DLGAP2: variants seen among roughly 807,000 people sequenced by gnomAD.
The protein encoded by DLGAP2 is disks large-associated protein 2.
In DLGAP2, 26 loss-of-function variants were observed where a neutral mutation model predicts 100.3. The observed-to-expected ratio is 0.26, with a 90% CI of 0.19 to 0.36. The LOEUF is 0.36. DLGAP2 is among the 10% of genes least tolerant of loss of function. DLGAP2 has a pLI of 1.00. For synonymous variants in DLGAP2, 886 were observed against 630.1 expected (o/e 1.41, Z -6.08); for missense variants, 1,858 against 1,453.2 (o/e 1.28, Z -4.53).
intron 3 of DLGAP2, among the ~76,000 whole-genome samples, chr8:1,308,509 A>T (rs747704384): frequency 1.4e-4 from 21 of 152,332 alleles, no homozygotes; most frequent in Non-Finnish European, 2.5e-4. Context: ...ATTCAGGACA[A>T]CAAAAGAAAT....
intron 3 of DLGAP2, among the ~76,000 whole-genome samples, chr8:1,362,082 C>T (rs560122492): frequency 1.9e-4 from 26 of 138,712 alleles, no homozygotes; most frequent in Non-Finnish European, 2.9e-4. Context: ...TCAAGGAGAG[C>T]GGTACAGCTG....
intron 12 of DLGAP2, chr8:1,678,978 C>A: frequency 4.4e-6 from 1 of 225,960 alleles, no homozygotes; most frequent in Non-Finnish European, 8.5e-6. Context: ...ATGTTATTTT[C>A]TAGAATTGTT....
At chr8:1,142,118 TC>T (rs1796531967) in intron 2 of DLGAP2, among the ~76,000 whole-genome samples, 1 of 152,128 alleles carries the variant, frequency 6.6e-6, no homozygotes, top group Admixed American at 6.6e-5. Flanking sequence ...CAATCGTTTT[TC>T]CTAAGAAATC....
chr8:1,113,944 A>G (rs894652408), intron 2 of DLGAP2, among the ~76,000 whole-genome samples: 15 of 152,170 alleles, frequency 9.9e-5, no homozygotes, highest in Non-Finnish European at 1.5e-4. Context: ...TTCTGCATCT[A>G]TTGAGACAAT....
chr8:1,318,517 C>A (rs890460904), intron 3 of DLGAP2, among the ~76,000 whole-genome samples: 2 of 150,850 alleles, frequency 1.3e-5, no homozygotes, highest in African/African-American at 4.9e-5. Context: ...CTGTTCCTGA[C>A]TTTGAAGTTT....
At chr8:1,339,652 C>T (rs775383359) in intron 3 of DLGAP2, among the ~76,000 whole-genome samples, 23 of 152,216 alleles carry the variant, frequency 1.5e-4, no homozygotes, top group Non-Finnish European at 3.1e-4. Context: ...TAATCCTGTG[C>T]ATTCTTTTGG....
intron 2 of DLGAP2, among the ~76,000 whole-genome samples, chr8:1,057,681 A>C (rs908254167): frequency 6.6e-6 from 1 of 152,204 alleles, no homozygotes; most frequent in Non-Finnish European, 1.5e-5. Flanking sequence ...ATTTTCTCTG[A>C]ATTAGATTTG....
chr8:786,406 G>A (rs531546195), intron 1 of DLGAP2, among the ~76,000 whole-genome samples: 1 of 152,270 alleles, frequency 6.6e-6, no homozygotes, highest in African/African-American at 2.4e-5. Flanking sequence ...CATTTTCGTC[G>A]ATTCTCAAAA....
chr8:1,094,716 G>A (rs922987158), intron 2 of DLGAP2, among the ~76,000 whole-genome samples: 3 of 152,188 alleles, frequency 2.0e-5, no homozygotes, highest in Admixed American at 1.3e-4. Context: ...AGAGTGGCTG[G>A]ACAAGCTCCG....
chr8:870,124 C>G (rs1353155213), intron 1 of DLGAP2, among the ~76,000 whole-genome samples: 1 of 152,038 alleles, frequency 6.6e-6, no homozygotes, highest in African/African-American at 2.4e-5. Flanking sequence ...AAGATTTTCT[C>G]TCTGGCTTCT....
At chr8:870,773 C>T (rs1036309866) in intron 1 of DLGAP2, among the ~76,000 whole-genome samples, 21 of 152,246 alleles carry the variant, frequency 1.4e-4, no homozygotes, top group African/African-American at 4.6e-4. Context: ...CGCATGTCTT[C>T]GTGCCCTGGT....
chr8:1,508,316 A>C (rs866813220), intron 4 of DLGAP2, among the ~76,000 whole-genome samples: 8 of 8,574 alleles, frequency 9.3e-4, no homozygotes, highest in Admixed American at 1.5e-3. Flanking sequence ...AACGCCCACC[A>C]CCCCCCACCC....
chr8:1,658,267 A>C (rs965328011), intron 8 of DLGAP2, among the ~76,000 whole-genome samples: 1 of 152,092 alleles, frequency 6.6e-6, no homozygotes, highest in Non-Finnish European at 1.5e-5. Flanking sequence ...AGGAGATGCC[A>C]TATTGAATGT....
At position 957,466 on chromosome 8, in the gene DLGAP2, A is replaced by G. The variant is rs757176043; in HGVS notation, c.73+49500A>G. 1.6e-4 allele frequency among the ~76,000 whole-genome samples: 25 copies of G among 152,214 alleles called. 1 individual carries two copies. The highest frequency in any genetic ancestry group is 1.6e-3 in the Admixed American group (24 of 15,280). ...TGACTCCATTATGCTCAGAACTCTC[A>G]TATGTCCAAAACACCAGCCTAGAGA... On this transcript the variant is annotated intron_variant, in intron 2 of 14. Transcript: ENST00000637795.
intron 4 of DLGAP2, among the ~76,000 whole-genome samples, chr8:1,507,768 C>T (rs973220773): frequency 2.1e-5 from 3 of 143,632 alleles, no homozygotes; most frequent in African/African-American, 8.6e-5. Context: ...CCGAGTCTTC[C>T]TCCTTCACCC....
In DLGAP2 at chr8:1,595,271, AAT is replaced by A. The variant is rs544787364; in HGVS notation, c.1442+29385_1442+29386del. Among the ~76,000 whole-genome samples the A allele has an allele frequency of 3.9e-5, 6 of 152,002 alleles. No homozygotes were observed. The South Asian group carries it at 8.3e-4, about 21-fold the overall frequency. On this transcript the variant is annotated intron_variant, in intron 6 of 14. Coordinates refer to ENST00000637795, the MANE Select transcript of DLGAP2 (RefSeq NM_001346810.2). ...TCCCAGGTTTTACGGGCTTTTTTTA[AAT>A]ATATATAAACTTTTTATTGACAAAT...
rs191958939 is a variant in DLGAP2, at chr8:1,537,405, C to G, written c.173-11221C>G. ...GTTTTTATGTCATTAAAATGATTAC[C>G]TATCCTTGAGTTCCAAATGATATCT... On this transcript the variant is annotated intron_variant, in intron 4 of 14. Coordinates refer to ENST00000637795, the MANE Select transcript of DLGAP2 (RefSeq NM_001346810.2). Among the ~76,000 whole-genome samples the G allele has an allele frequency of 2.0e-5, 3 of 152,178 alleles. No individual in the cohort carries two copies. In the East Asian group the frequency reaches 5.8e-4, roughly 29 times the overall value.
chr8:976,597 G>C (rs1215625049), intron 2 of DLGAP2, among the ~76,000 whole-genome samples: 1 of 152,050 alleles, frequency 6.6e-6, no homozygotes, highest in Non-Finnish European at 1.5e-5. Context: ...GGGCGACAGA[G>C]CAAGACTCTG....
chr8:1,467,708 C>A (rs536179681), intron 3 of DLGAP2, among the ~76,000 whole-genome samples: 14 of 152,168 alleles, frequency 9.2e-5, no homozygotes, highest in African/African-American at 3.4e-4. Flanking sequence ...CTAAAGGGAG[C>A]GTGGCCTGGC....
Sources: gnomAD v4.1 joint callset for allele counts (sites outside exome capture counted in the v4.1 genomes callset) on GRCh38, gnomAD v4.1.1 for gene constraint, MANE v1.5 for transcripts, NCBI Gene and HGNC (gene_info 2026-07-23, HGNC 2026-07-21) for gene names.